LMNTD1: variants seen among roughly 807,000 people sequenced by gnomAD.
The protein encoded by LMNTD1 is lamin tail domain-containing protein 1.
Under a neutral mutation model 50.9 loss-of-function variants are expected in LMNTD1, and 35 were observed. The observed-to-expected ratio is 0.69, with a 90% confidence interval of 0.53 to 0.91. LMNTD1 has a LOEUF of 0.91. Among genes scored for constraint, LMNTD1 ranks in the 40% least tolerant of loss-of-function variants. The probability of loss-of-function intolerance (pLI) is 0.00; values close to 1 mark genes in which losing one functional copy is unlikely to be tolerated. For missense variants in LMNTD1, 470 were observed against 475.5 expected, an observed-to-expected ratio of 0.99 and a Z score of 0.11; for synonymous variants, 153 against 161.9, an observed-to-expected ratio of 0.94 and a Z score of 0.42.
chr12:25,557,459 G>A (rs532862193), upstream of LMNTD1: 54 of 152,246 alleles, frequency 3.5e-4, no homozygotes, highest in Admixed American at 9.2e-4. Flanking sequence ...ACCAATTTTA[G>A]CAATAGTTCA....
chr12:25,496,836 A>G (rs531391297), intron 9 of LMNTD1, among the ~76,000 whole-genome samples: 7 of 152,266 alleles, frequency 4.6e-5, no homozygotes, highest in Middle Eastern at 3.4e-3. Context: ...CATCCCCAAC[A>G]GAGACTCTAT....
chr12:25,628,867 A>C (rs1946652835), intron 1 of LMNTD1, among the ~76,000 whole-genome samples: 1 of 152,162 alleles, frequency 6.6e-6, no homozygotes, highest in South Asian at 2.1e-4. Flanking sequence ...ACTGTGGGAG[A>C]ATAAACCTGT....
chr12:25,619,217 A>ACTCTCTCTCTCTCT (rs143233739), intron 1 of LMNTD1, among the ~76,000 whole-genome samples: 8 of 120,154 alleles, frequency 6.7e-5, no homozygotes, highest in East Asian at 2.5e-4. Context: ...ATGCTTTTCA[A>ACTCTCTCTCTCTCT]CTCTCTCTCT....
intron 1 of LMNTD1, among the ~76,000 whole-genome samples, chr12:25,573,260 C>G (rs1291826496): frequency 6.6e-6 from 1 of 152,008 alleles, no homozygotes; most frequent in Non-Finnish European, 1.5e-5. Context: ...TACGTGTCTC[C>G]TAAGCTCTAG....
intron 9 of LMNTD1, among the ~76,000 whole-genome samples, chr12:25,492,022 A>G (rs772027680): frequency 2.0e-4 from 31 of 152,256 alleles, no homozygotes; most frequent in Non-Finnish European, 2.6e-4. Flanking sequence ...CAGAAAACTT[A>G]GCAAACATTA....
intron 1 of LMNTD1, among the ~76,000 whole-genome samples, chr12:25,612,329 C>CACACGT (rs1555122415): frequency 1.6e-4 from 3 of 18,664 alleles, no homozygotes; most frequent in South Asian, 4.9e-3. Flanking sequence ...CACACACACA[C>CACACGT]GCGCTCCCAC....
intron 9 of LMNTD1, among the ~76,000 whole-genome samples, chr12:25,489,524 G>C (rs1319617083): frequency 7.2e-6 from 1 of 139,206 alleles, no homozygotes; most frequent in East Asian, 2.0e-4. Flanking sequence ...TGCGCCCACT[G>C]TCTGGCACTC....
At chr12:25,558,041 A>G (rs943135532), upstream of LMNTD1, among the ~76,000 whole-genome samples, 16 of 152,148 alleles carry the variant, frequency 1.1e-4, no homozygotes. Flanking sequence ...AGCGCCCCCT[A>G]GGAACCCTGT....
At chr12:25,496,718 G>GTTT (rs1939084511) in intron 9 of LMNTD1, among the ~76,000 whole-genome samples, 1 of 152,126 alleles carries the variant, frequency 6.6e-6, no homozygotes, top group Non-Finnish European at 1.5e-5. Context: ...TTTATTAGAA[G>GTTT]TACTTTGTAA....
intron 9 of LMNTD1, among the ~76,000 whole-genome samples, chr12:25,477,097 G>T (rs978506606): frequency 1.3e-5 from 2 of 152,168 alleles, no homozygotes; most frequent in African/African-American, 4.8e-5. Context: ...GAAAGCAGAT[G>T]AGACATTTGA....
At chr12:25,485,324 T>C (rs1257788712) in intron 9 of LMNTD1, among the ~76,000 whole-genome samples, 1 of 146,450 alleles carries the variant, frequency 6.8e-6, no homozygotes, top group Non-Finnish European at 1.5e-5. Context: ...TGTCTGTTCA[T>C]ATCCTTCACC....
chr12:25,605,417 C>T (rs1946076357), intron 1 of LMNTD1, among the ~76,000 whole-genome samples: 1 of 152,110 alleles, frequency 6.6e-6, no homozygotes, highest in Non-Finnish European at 1.5e-5. Flanking sequence ...AGTCCTTGCC[C>T]ATGCCTATGT....
intron 1 of LMNTD1, among the ~76,000 whole-genome samples, chr12:25,642,649 A>T (rs1946979523): frequency 6.6e-6 from 1 of 152,272 alleles, no homozygotes; most frequent in South Asian, 2.1e-4. Flanking sequence ...TTCTCCAAAT[A>T]TAACTTTCTT....
intron 1 of LMNTD1, among the ~76,000 whole-genome samples, chr12:25,562,181 G>A (rs1350915418): frequency 6.6e-6 from 1 of 152,208 alleles, no homozygotes; most frequent in East Asian, 1.9e-4. Context: ...CTGTCATTAT[G>A]ATGTTAGCTG....
intron 1 of LMNTD1, among the ~76,000 whole-genome samples, chr12:25,584,792 C>T (rs934668421): frequency 5.3e-5 from 8 of 151,360 alleles, no homozygotes; most frequent in African/African-American, 1.7e-4. Context: ...CTTTTGGCCA[C>T]GTGGAAAATT....
chr12:25,609,572 T>G (rs929295555), intron 1 of LMNTD1, among the ~76,000 whole-genome samples: 8 of 152,220 alleles, frequency 5.3e-5, no homozygotes, highest in African/African-American at 1.9e-4. Flanking sequence ...CTTCTAACAG[T>G]CAGGTCCCTC....
intron 1 of LMNTD1, among the ~76,000 whole-genome samples, chr12:25,629,805 A>C (rs564721594): frequency 2.0e-5 from 3 of 152,300 alleles, no homozygotes; most frequent in African/African-American, 7.2e-5. Flanking sequence ...CTTAACAGAG[A>C]GAAAGAAAAA....
chr12:25,495,314 T>TG (rs1304961787), intron 9 of LMNTD1, among the ~76,000 whole-genome samples: 1 of 151,416 alleles, frequency 6.6e-6, no homozygotes, highest in African/African-American at 2.4e-5. Flanking sequence ...CTTATCTATT[T>TG]GGGGGTATAA....
intron 1 of LMNTD1, among the ~76,000 whole-genome samples, chr12:25,620,560 C>G (rs772221013): frequency 3.3e-5 from 5 of 152,082 alleles, no homozygotes; most frequent in Admixed American, 6.6e-5. Flanking sequence ...CTTGCCACAT[C>G]AAAAACTCTG....
Sources: gnomAD v4.1 joint callset for allele counts (sites outside exome capture counted in the v4.1 genomes callset) on GRCh38, gnomAD v4.1.1 for gene constraint, MANE v1.5 for transcripts, NCBI Gene and HGNC (gene_info 2026-07-23, HGNC 2026-07-21) for gene names.